PLGRKT: variants seen among roughly 807,000 people sequenced by gnomAD.
PLGRKT encodes the protein plasminogen receptor with a C-terminal lysine, also known as plasminogen receptor (KT).
PLGRKT carries 22 observed loss-of-function variants against 18.5 expected under a neutral mutation model. The observed-to-expected ratio is 1.19, with a 90% confidence interval of 0.85 to 1.70. The LOEUF is 1.70. Ranked by LOEUF, PLGRKT falls within the 40% of genes most tolerant of loss-of-function variation. The probability of loss-of-function intolerance (pLI) is 0.00; values close to 1 mark genes in which losing one functional copy is unlikely to be tolerated. For synonymous variants in PLGRKT, 72 were observed against 52.8 expected (o/e 1.36, Z -1.58); for missense variants, 235 against 174.4 (o/e 1.35, Z -1.96).
chr9:5,422,234 G>A (rs1026444215), intron 3 of PLGRKT, among the ~76,000 whole-genome samples: 1 of 152,094 alleles, frequency 6.6e-6, no homozygotes, highest in Non-Finnish European at 1.5e-5. Context: ...ACTTATAATG[G>A]GTAGATCAGG....
At chr9:5,378,192 T>C (rs756955892) in intron 3 of PLGRKT, among the ~76,000 whole-genome samples, 9 of 152,008 alleles carry the variant, frequency 5.9e-5, no homozygotes, top group Admixed American at 1.3e-4. Context: ...AACAGCGTAA[T>C]AGATAAGGAT....
At chr9:5,408,374 G>A (rs905722474) in intron 3 of PLGRKT, among the ~76,000 whole-genome samples, 2 of 152,214 alleles carry the variant, frequency 1.3e-5, no homozygotes, top group African/African-American at 4.8e-5. Context: ...CTTTAGCAAA[G>A]AGCCTGGCTG....
chr9:5,362,881 C>T (rs556049665), intron 3 of PLGRKT, among the ~76,000 whole-genome samples: 83 of 152,182 alleles, frequency 5.5e-4, no homozygotes, highest in African/African-American at 1.8e-3. Context: ...ACAGAGAAGA[C>T]TTGTGGCCTT....
intron 3 of PLGRKT, among the ~76,000 whole-genome samples, chr9:5,425,352 A>T (rs149604918): frequency 4.8e-4 from 73 of 152,340 alleles, no homozygotes; most frequent in African/African-American, 1.8e-3. Flanking sequence ...AAATATCATT[A>T]TAACTAGTAG....
In PLGRKT at chr9:5,424,687, T is replaced by C. The variant is rs1469621777; in HGVS notation, c.81+7210A>G. Among the ~76,000 whole-genome samples the C allele has an allele frequency of 4.2e-4, 29 of 69,462 alleles. 2 individuals are homozygous for C. The South Asian group carries it at 5.6e-3, about 13-fold the overall frequency. 45.6% of individuals were successfully genotyped at this position (69,462 alleles called of 152,430 possible). ...TATATTTTATATATATATATATATA[T>C]ATATACACACAGGGGGGGGAGAGAG... On this transcript the variant is annotated intron_variant, in intron 3 of 5. Transcript: ENST00000223864.
chr9:5,368,796 A>G (rs183156193), intron 3 of PLGRKT, among the ~76,000 whole-genome samples: 5 of 152,268 alleles, frequency 3.3e-5, no homozygotes, highest in Admixed American at 3.3e-4. Flanking sequence ...CCTCAGAAAT[A>G]CCACCACACA....
At chr9:5,404,328 G>A (rs1563781551) in intron 3 of PLGRKT, among the ~76,000 whole-genome samples, 3 of 152,094 alleles carry the variant, frequency 2.0e-5, no homozygotes, top group African/African-American at 7.2e-5. Context: ...ACAAAAAAAA[G>A]AAAACTTCAG....
chr9:5,406,055 T>C (rs1462006074), intron 3 of PLGRKT, among the ~76,000 whole-genome samples: 1 of 152,008 alleles, frequency 6.6e-6, no homozygotes, highest in Non-Finnish European at 1.5e-5. Flanking sequence ...AAAACCACAA[T>C]GAGATACCAT....
At chr9:5,394,703 G>C (rs962036143) in intron 3 of PLGRKT, among the ~76,000 whole-genome samples, 1 of 151,946 alleles carries the variant, frequency 6.6e-6, no homozygotes, top group African/African-American at 2.4e-5. Flanking sequence ...GTAAGCCACT[G>C]CGTGACAGGG....
At chr9:5,364,337 C>T (rs1394464160) in intron 3 of PLGRKT, among the ~76,000 whole-genome samples, 1 of 152,146 alleles carries the variant, frequency 6.6e-6, no homozygotes, top group Non-Finnish European at 1.5e-5. Flanking sequence ...GAGATATCAA[C>T]CTGAAAGAGA....
chr9:5,382,936 G>C (rs1321325662), intron 3 of PLGRKT, among the ~76,000 whole-genome samples: 1 of 152,198 alleles, frequency 6.6e-6, no homozygotes, highest in Non-Finnish European at 1.5e-5. Context: ...GGGTTAAATG[G>C]TGGCCCCTAA....
intron 3 of PLGRKT, among the ~76,000 whole-genome samples, chr9:5,411,987 A>G (rs542674302): frequency 2.7e-4 from 41 of 152,230 alleles, no homozygotes; most frequent in Non-Finnish European, 5.6e-4. Flanking sequence ...CAAACATGAA[A>G]GATTATCCAA....
intron 5 of PLGRKT, 38 bp from the exon 6 acceptor site, chr9:5,358,398 G>A (rs757012075): frequency 1.9e-6 from 3 of 1,603,256 alleles, no homozygotes; most frequent in Non-Finnish European, 2.6e-6. Flanking sequence ...GTGACAAAGG[G>A]GTCATCAGCA....
chr9:5,414,542 C>T (rs1818423283), intron 3 of PLGRKT, among the ~76,000 whole-genome samples: 1 of 152,108 alleles, frequency 6.6e-6, no homozygotes, highest in Non-Finnish European at 1.5e-5. Flanking sequence ...TTAATTAAAA[C>T]CAACCAGATG....
At chr9:5,372,845 A>G (rs1563769241) in intron 3 of PLGRKT, among the ~76,000 whole-genome samples, 2 of 152,158 alleles carry the variant, frequency 1.3e-5, no homozygotes, top group African/African-American at 2.4e-5. Flanking sequence ...GTTGGAATGG[A>G]ATCCAACTAG....
intron 2 of PLGRKT, among the ~76,000 whole-genome samples, chr9:5,434,290 G>A (rs1272976001): frequency 1.4e-5 from 2 of 140,998 alleles, no homozygotes; most frequent in East Asian, 2.2e-4. Context: ...GAGCGCCTCT[G>A]CCCGGCCGCC....
chr9:5,424,151 AT>A (rs1818632654), intron 3 of PLGRKT, among the ~76,000 whole-genome samples: 1 of 140,152 alleles, frequency 7.1e-6, no homozygotes, highest in Non-Finnish European at 1.5e-5. Flanking sequence ...TATATATTAC[AT>A]GTAATAATAT....
chr9:5,389,605 G>C (rs1252451250), intron 3 of PLGRKT, among the ~76,000 whole-genome samples: 1 of 151,826 alleles, frequency 6.6e-6, no homozygotes, highest in African/African-American at 2.4e-5. Context: ...AACTGATCTA[G>C]GAAGACCCCA....
intron 3 of PLGRKT, among the ~76,000 whole-genome samples, chr9:5,367,067 A>ACACACCC (rs1286566339): frequency 1.6e-4 from 22 of 138,956 alleles, no homozygotes; most frequent in African/African-American, 5.4e-4. Flanking sequence ...ACACACACAC[A>ACACACCC]CCCCTAGGAA....
Sources: allele counts gnomAD v4.1 joint callset (sites outside exome capture counted in the v4.1 genomes callset), GRCh38; gene constraint gnomAD v4.1.1; transcripts MANE v1.5; gene names NCBI Gene and HGNC (gene_info 2026-07-23, HGNC 2026-07-21).